The following PEAK1 variants were observed in gnomAD, a reference collection of about 807,000 sequenced individuals.
PEAK1 encodes the protein pseudopodium enriched atypical kinase 1.
Under a neutral mutation model 124.7 loss-of-function variants are expected in PEAK1, and 54 were observed. That is an observed-to-expected ratio of 0.43 (90% CI 0.35 to 0.54). The LOEUF (loss-of-function observed/expected upper bound fraction) is 0.54. Ranked by LOEUF, PEAK1 falls within the 20% of genes least tolerant of loss-of-function variation. PEAK1 has a pLI of 0.01. For synonymous variants in PEAK1, 719 were observed against 760.0 expected (o/e 0.95, Z 0.89); for missense variants, 2,046 against 2,134.5 (o/e 0.96, Z 0.82).
At chr15:77,149,687 C>T (rs1425542917) in intron 8 of PEAK1, among the ~76,000 whole-genome samples, 6 of 152,010 alleles carry the variant, frequency 3.9e-5, no homozygotes, top group African/African-American at 4.8e-5. Context: ...TGTATTATAC[C>T]CTACAGAGTC....
intron 2 of PEAK1, among the ~76,000 whole-genome samples, chr15:77,292,878 A>G (rs2152981906): frequency 6.6e-6 from 1 of 152,322 alleles, no homozygotes; most frequent in Admixed American, 6.5e-5. Flanking sequence ...GGCAAGTTAT[A>G]GAACTCCCTA....
chr15:77,168,542 A>AC (rs1328422233), intron 7 of PEAK1, among the ~76,000 whole-genome samples: 2 of 152,204 alleles, frequency 1.3e-5, no homozygotes, highest in Non-Finnish European at 2.9e-5. Flanking sequence ...AGTATAACTT[A>AC]TTTTACAGAA....
At chr15:77,330,424 T>A (rs1217414228) in intron 2 of PEAK1, among the ~76,000 whole-genome samples, 1 of 152,152 alleles carries the variant, frequency 6.6e-6, no homozygotes, top group African/African-American at 2.4e-5. Flanking sequence ...TCATATTTCA[T>A]CCCTCTGCTC....
At chr15:77,348,681 T>C (rs1195410070) in intron 2 of PEAK1, 20 of 985,054 alleles carry the variant, frequency 2.0e-5, no homozygotes, top group Non-Finnish European at 2.4e-5. Context: ...ATGTCCATGA[T>C]AAAATAGTTA....
intron 7 of PEAK1, among the ~76,000 whole-genome samples, chr15:77,173,789 T>C (rs2056670444): frequency 1.3e-5 from 2 of 152,376 alleles, no homozygotes; most frequent in African/African-American, 2.4e-5. Flanking sequence ...TGGCCTACAA[T>C]GTCTTTCCCA....
chr15:77,251,109 G>T (rs374510676), intron 6 of PEAK1, among the ~76,000 whole-genome samples: 51 of 152,262 alleles, frequency 3.3e-4, no homozygotes, highest in African/African-American at 1.2e-3. Flanking sequence ...TCAAGCAAAT[G>T]ATTATCTCTC....
intron 1 of PEAK1, among the ~76,000 whole-genome samples, chr15:77,409,498 T>C (rs1027035563): frequency 6.6e-6 from 1 of 152,204 alleles, no homozygotes; most frequent in Non-Finnish European, 1.5e-5. Context: ...CAATGTTGCT[T>C]ACTCTCAGAA....
At chr15:77,140,263 C>A (rs2053667557) in intron 8 of PEAK1, among the ~76,000 whole-genome samples, 1 of 151,336 alleles carries the variant, frequency 6.6e-6, no homozygotes, top group Admixed American at 6.6e-5. Flanking sequence ...CCAATATTAC[C>A]TAAATACTAA....
Position 77,115,277 on chromosome 15 carries a change from T to C in PEAK1, c.4120A>G (p.Ser1374Gly), listed in dbSNP as rs529926164. 4 of 1,614,188 alleles carry C rather than the reference T, an allele frequency of 2.5e-6. No homozygotes were observed. In the South Asian group the frequency reaches 4.4e-5, roughly 18 times the overall value. ...GCCAGACTCTGCCGGACAGCCAAGC[T>C]GTGATAATACTGCTGAGATTCTTTA... ...KAKESQQYYH[S>G]LAVRQSLAVH... Residue 1374 changes from serine to glycine, a missense_variant, in exon 10 of 10, where the codon AGC (serine) becomes GGC (glycine). Coordinates refer to ENST00000682557, the MANE Select transcript of PEAK1 (RefSeq NM_001385026.1).
intron 6 of PEAK1, among the ~76,000 whole-genome samples, chr15:77,244,277 G>A (rs1015358270): frequency 2.0e-5 from 3 of 152,210 alleles, no homozygotes; most frequent in African/African-American, 7.2e-5. Context: ...TATTATTTGA[G>A]ACTGAGGTAA....
chr15:77,220,812 T>A (rs941484846), intron 6 of PEAK1, among the ~76,000 whole-genome samples: 1 of 152,082 alleles, frequency 6.6e-6, no homozygotes, highest in Non-Finnish European at 1.5e-5. Flanking sequence ...TCATAGACAG[T>A]ATAGCGATAG....
At chr15:77,345,292 T>C (rs1288580253) in intron 2 of PEAK1, among the ~76,000 whole-genome samples, 2 of 152,334 alleles carry the variant, frequency 1.3e-5, no homozygotes, top group South Asian at 2.1e-4. Context: ...TCTATTGAGA[T>C]AGATTGTGTG....
At chr15:77,125,797 T>C (rs1444514409) in intron 9 of PEAK1, among the ~76,000 whole-genome samples, 1 of 152,236 alleles carries the variant, frequency 6.6e-6, no homozygotes, top group East Asian at 1.9e-4. Flanking sequence ...TTACTGCCAG[T>C]CATTCTGATT....
At chr15:77,320,261 A>G (rs928125710) in intron 2 of PEAK1, among the ~76,000 whole-genome samples, 2 of 152,104 alleles carry the variant, frequency 1.3e-5, no homozygotes, top group Admixed American at 6.6e-5. Flanking sequence ...ACAGAATTCA[A>G]TAATAAAATG....
chr15:77,189,313 T>C (rs188215292), intron 6 of PEAK1, among the ~76,000 whole-genome samples: 1 of 152,306 alleles, frequency 6.6e-6, no homozygotes, highest in Admixed American at 6.5e-5. Context: ...CAAGGTCACA[T>C]AGCTAGTAAA....
intron 8 of PEAK1, among the ~76,000 whole-genome samples, chr15:77,140,817 C>T (rs982021438): frequency 6.6e-6 from 1 of 151,834 alleles, no homozygotes; most frequent in Non-Finnish European, 1.5e-5. Flanking sequence ...TCACTGCAGC[C>T]TTGACCTCCC....
At chr15:77,131,684 A>G (rs2052875206) in intron 9 of PEAK1, among the ~76,000 whole-genome samples, 1 of 152,252 alleles carries the variant, frequency 6.6e-6, no homozygotes, top group African/African-American at 2.4e-5. Flanking sequence ...AGGAACATCA[A>G]TAAACATTAG....
chr15:77,248,766 T>A (rs778369651), intron 6 of PEAK1, among the ~76,000 whole-genome samples: 3 of 152,234 alleles, frequency 2.0e-5, no homozygotes, highest in Non-Finnish European at 2.9e-5. Context: ...ATGTTTCATA[T>A]ATAGTAAGCA....
At chr15:77,381,355 T>A in intron 1 of PEAK1, 3 of 753,804 alleles carry the variant, frequency 4.0e-6, no homozygotes, top group Non-Finnish European at 4.8e-6. Flanking sequence ...TTAATGGCTG[T>A]AGTGCACTAT....
Sources: allele counts gnomAD v4.1 joint callset (sites outside exome capture counted in the v4.1 genomes callset), GRCh38; gene constraint gnomAD v4.1.1; transcripts MANE v1.5; gene names NCBI Gene and HGNC (gene_info 2026-07-23, HGNC 2026-07-21).